The following CADM2 variants were observed in gnomAD, a reference collection of about 807,000 sequenced individuals.
CADM2 encodes the protein immunoglobulin superfamily member 4D.
Under a neutral mutation model 49.8 loss-of-function variants are expected in CADM2, and 12 were observed. The observed-to-expected ratio is 0.24, with a 90% CI of 0.15 to 0.39. CADM2 has a LOEUF of 0.39. Among genes scored for constraint, CADM2 ranks in the 10% least tolerant of loss-of-function variants. The pLI is 1.00. For synonymous variants in CADM2, 214 were observed against 175.4 expected (o/e 1.22, Z -1.74); for missense variants, 378 against 492.3 (o/e 0.77, Z 2.20).
chr3:86,028,011 T>C (rs1204197666), intron 8 of CADM2: 2 of 123,544 alleles, frequency 1.6e-5, no homozygotes, highest in African/African-American at 6.3e-5. Flanking sequence ...TGAGAACACA[T>C]GGACACAGGA....
Position 85,272,899 on chromosome 3 carries a change from G to GCAA in CADM2, c.61+313247_61+313249dup, listed in dbSNP as rs1022409225. Among the ~76,000 whole-genome samples the GCAA allele has an allele frequency of 2.6e-5, 4 of 150,966 alleles. No homozygotes were observed. In the East Asian group the frequency reaches 7.8e-4, roughly 29 times the overall value. The stretch of plus-strand genomic sequence containing the variant: ...TGCAGTAAGGAAAGACAGACACTAA[G>GCAA]CAACAACAACAACAACAAATACACA... On this transcript the variant is annotated intron_variant, in intron 1 of 9. Transcript: ENST00000383699.
intron 2 of CADM2, among the ~76,000 whole-genome samples, chr3:85,745,253 T>A (rs2068566966): frequency 6.6e-6 from 1 of 152,198 alleles, no homozygotes; most frequent in Non-Finnish European, 1.5e-5. Flanking sequence ...AAATTTTAAA[T>A]TGAAGTTGTT....
chr3:85,023,324 G>A (rs760362210), intron 1 of CADM2, among the ~76,000 whole-genome samples: 1 of 151,828 alleles, frequency 6.6e-6, no homozygotes, highest in Non-Finnish European at 1.5e-5. Context: ...TGGTTTGCAG[G>A]GTATTTTTTC....
chr3:85,454,666 A>G (rs1006700553), intron 1 of CADM2, among the ~76,000 whole-genome samples: 3 of 152,328 alleles, frequency 2.0e-5, no homozygotes, highest in African/African-American at 7.2e-5. Context: ...AACTGAATGC[A>G]TATTCAGACA....
chr3:85,947,993 C>T (rs914106223), intron 7 of CADM2, among the ~76,000 whole-genome samples: 1 of 151,496 alleles, frequency 6.6e-6, no homozygotes, highest in Non-Finnish European at 1.5e-5. Flanking sequence ...AAACATGTCT[C>T]AATACATTGA....
intron 1 of CADM2, among the ~76,000 whole-genome samples, chr3:84,974,587 G>T (rs933403997): frequency 6.6e-6 from 1 of 151,892 alleles, no homozygotes; most frequent in Non-Finnish European, 1.5e-5. Flanking sequence ...GACTTCTTTG[G>T]TCCTGTTCTG....
At chr3:85,742,237 G>T (rs1342303850) in intron 2 of CADM2, among the ~76,000 whole-genome samples, 1 of 152,208 alleles carries the variant, frequency 6.6e-6, no homozygotes, top group Non-Finnish European at 1.5e-5. Flanking sequence ...ATGCCAGGTT[G>T]CAGGCATTGG....
intron 1 of CADM2, among the ~76,000 whole-genome samples, chr3:85,526,844 G>A (rs909240914): frequency 6.6e-6 from 1 of 152,104 alleles, no homozygotes; most frequent in Non-Finnish European, 1.5e-5. Flanking sequence ...CCATTTTATA[G>A]CTAAGGGAAC....
Position 85,820,453 on chromosome 3 carries a change from G to T in CADM2, c.238+18257G>T, listed in dbSNP as rs192607319. ...GGTTTGGATCAGAGTTAGCAATGAG[G>T]ATGATGAGAATAGATGGAATGTTCT... On this transcript the variant is annotated intron_variant, in intron 3 of 9. Transcript: ENST00000383699. 1.7e-3 allele frequency among the ~76,000 whole-genome samples: 254 copies of T among 152,260 alleles called. 2 individuals carry two copies. The highest frequency in any genetic ancestry group is 6.0e-3 in the African/African-American group (250 of 41,572).
intron 1 of CADM2, among the ~76,000 whole-genome samples, chr3:85,153,517 C>T (rs76530194): frequency 3.3e-5 from 5 of 152,294 alleles, no homozygotes; most frequent in East Asian, 3.9e-4. Context: ...GGGGGAGGGG[C>T]GCCCGCCATT....
chr3:85,295,928 A>T (rs958558255), intron 1 of CADM2, among the ~76,000 whole-genome samples: 4 of 151,710 alleles, frequency 2.6e-5, no homozygotes, highest in African/African-American at 7.3e-5. Flanking sequence ...AAAGTATAAT[A>T]AAAAAAAGAA....
intron 1 of CADM2, among the ~76,000 whole-genome samples, chr3:85,499,629 T>G (rs1023528859): frequency 3.3e-5 from 5 of 152,014 alleles, no homozygotes; most frequent in African/African-American, 1.2e-4. Flanking sequence ...TTAATACTTC[T>G]TATACAGATG....
intron 2 of CADM2, among the ~76,000 whole-genome samples, chr3:85,737,025 G>T (rs982193053): frequency 2.0e-5 from 3 of 152,138 alleles, no homozygotes; most frequent in African/African-American, 7.2e-5. Context: ...TTAAATATTT[G>T]TGAATTATTT....
chr3:85,854,101 C>CT (rs1488974226), intron 3 of CADM2, among the ~76,000 whole-genome samples: 2 of 152,064 alleles, frequency 1.3e-5, no homozygotes, highest in East Asian at 3.9e-4. Flanking sequence ...TATAGATAAA[C>CT]TTTTTTAAAA....
intron 1 of CADM2, among the ~76,000 whole-genome samples, chr3:85,338,465 G>C (rs1490603234): frequency 1.3e-5 from 2 of 151,426 alleles, no homozygotes; most frequent in African/African-American, 2.4e-5. Context: ...CGAGAAGCCA[G>C]TAATATAGTA....
chr3:85,112,053 A>G (rs2038479088), intron 1 of CADM2, among the ~76,000 whole-genome samples: 1 of 151,928 alleles, frequency 6.6e-6, no homozygotes, highest in African/African-American at 2.4e-5. Flanking sequence ...GTTTTTAACA[A>G]TGTTTACCAA....
intron 1 of CADM2, among the ~76,000 whole-genome samples, chr3:85,674,886 C>T (rs941160994): frequency 2.6e-5 from 4 of 151,982 alleles, no homozygotes; most frequent in East Asian, 1.9e-4. Context: ...ATCTAAATAT[C>T]GAATTTCTGT....
chr3:84,992,202 T>C (rs1405061793), intron 1 of CADM2, among the ~76,000 whole-genome samples: 1 of 152,044 alleles, frequency 6.6e-6, no homozygotes, highest in Non-Finnish European at 1.5e-5. Flanking sequence ...AAGGGGTAAA[T>C]AGGAAATCTC....
chr3:85,999,613 GAA>G (rs1450771353), intron 8 of CADM2, among the ~76,000 whole-genome samples: 2 of 149,132 alleles, frequency 1.3e-5, no homozygotes, highest in African/African-American at 2.5e-5. Flanking sequence ...GGGAAAGAGA[GAA>G]AGAGAAAGAA....
Sources: gnomAD v4.1 joint callset for allele counts (sites outside exome capture counted in the v4.1 genomes callset) on GRCh38, gnomAD v4.1.1 for gene constraint, MANE v1.5 for transcripts, NCBI Gene and HGNC (gene_info 2026-07-23, HGNC 2026-07-21) for gene names.